The following CCSER1 variants were observed in gnomAD, a reference collection of about 807,000 sequenced individuals.
The protein encoded by CCSER1 is coiled-coil serine rich protein 1, also known as serine-rich coiled-coil domain-containing protein 1.
In CCSER1, 41 loss-of-function variants were observed where a neutral mutation model predicts 82.0. That is an observed-to-expected ratio of 0.50 (90% confidence interval 0.39 to 0.65). CCSER1 has a LOEUF of 0.65. CCSER1 is among the 30% of genes least tolerant of loss of function. The pLI is 0.00. For missense variants in CCSER1, 1,119 were observed against 1,064.2 expected, an observed-to-expected ratio of 1.05 and a Z score of -0.72; for synonymous variants, 414 against 383.9, an observed-to-expected ratio of 1.08 and a Z score of -0.92.
intron 4 of CCSER1, among the ~76,000 whole-genome samples, chr4:90,425,756 T>G (rs905019982): frequency 1.3e-5 from 2 of 152,180 alleles, no homozygotes; most frequent in African/African-American, 4.8e-5. Context: ...AAAATCTGAT[T>G]TTGTTGGCAG....
At chr4:90,892,319 T>G (rs2150117812) in intron 8 of CCSER1, among the ~76,000 whole-genome samples, 1 of 152,096 alleles carries the variant, frequency 6.6e-6, no homozygotes, top group Non-Finnish European at 1.5e-5. Context: ...TATTCCTTTT[T>G]AAAACTTTGA....
intron 6 of CCSER1, among the ~76,000 whole-genome samples, chr4:90,634,106 G>C (rs1579608065): frequency 6.6e-6 from 1 of 151,508 alleles, no homozygotes; most frequent in East Asian, 1.9e-4. Context: ...CTACAGAGGT[G>C]GGTTTTGTTT....
At chr4:90,759,655 G>A (rs1750122380) in intron 7 of CCSER1, among the ~76,000 whole-genome samples, 1 of 152,132 alleles carries the variant, frequency 6.6e-6, no homozygotes, top group Non-Finnish European at 1.5e-5. Flanking sequence ...GTAAGCTAGT[G>A]CAAGGCAACT....
At chr4:90,486,530 A>G (rs929959487) in intron 5 of CCSER1, among the ~76,000 whole-genome samples, 40 of 152,332 alleles carry the variant, frequency 2.6e-4, no homozygotes, top group African/African-American at 8.9e-4. Flanking sequence ...TTTTGGGATC[A>G]GCAATGCACT....
At chr4:91,110,317 T>G (rs970796182) in intron 10 of CCSER1, among the ~76,000 whole-genome samples, 6 of 152,042 alleles carry the variant, frequency 3.9e-5, no homozygotes. Flanking sequence ...AACTTAGTGC[T>G]TGCTCCTTAT....
chr4:91,475,181 GTGTT>G (rs1261483570), intron 10 of CCSER1, among the ~76,000 whole-genome samples: 1 of 150,970 alleles, frequency 6.6e-6, no homozygotes, highest in Non-Finnish European at 1.5e-5. Context: ...TTGTGTGTGT[GTGTT>G]TGTGTGTGTG....
At chr4:91,110,334 G>A (rs1364923505) in intron 10 of CCSER1, among the ~76,000 whole-genome samples, 1 of 151,926 alleles carries the variant, frequency 6.6e-6, no homozygotes, top group African/African-American at 2.4e-5. Flanking sequence ...TTATAGGATT[G>A]TTATGAATAG....
chr4:90,186,898 G>A (rs933823202), intron 1 of CCSER1, among the ~76,000 whole-genome samples: 8 of 151,778 alleles, frequency 5.3e-5, no homozygotes, highest in African/African-American at 1.9e-4. Context: ...CCCTAATAAA[G>A]TGTACAAGTT....
intron 7 of CCSER1, among the ~76,000 whole-genome samples, chr4:90,805,573 C>T (rs1757398650): frequency 6.6e-6 from 1 of 152,132 alleles, no homozygotes; most frequent in Non-Finnish European, 1.5e-5. Context: ...GATGCAAGGA[C>T]AGGAACATTA....
At chr4:91,179,631 A>T (rs969988403) in intron 10 of CCSER1, among the ~76,000 whole-genome samples, 1 of 152,186 alleles carries the variant, frequency 6.6e-6, no homozygotes, top group Non-Finnish European at 1.5e-5. Context: ...GGTAATTCTC[A>T]TGCCATGGCT....
intron 4 of CCSER1, among the ~76,000 whole-genome samples, chr4:90,450,782 C>G (rs1337648258): frequency 6.6e-6 from 1 of 152,082 alleles, no homozygotes; most frequent in Non-Finnish European, 1.5e-5. Flanking sequence ...TGCTAAGTCC[C>G]CTGGGTTGAA....
intron 7 of CCSER1, among the ~76,000 whole-genome samples, chr4:90,815,177 T>TG (rs34232656): frequency 0.54 from 81,080 of 151,432 alleles, 21,932 homozygotes; most frequent in East Asian, 0.65. Flanking sequence ...AGTCAGAGAG[T>TG]CTCAGGGAAA....
At chr4:91,594,332 CACACATATATATACATATATAT>C (rs1290860880) in intron 10 of CCSER1, among the ~76,000 whole-genome samples, 7 of 145,818 alleles carry the variant, frequency 4.8e-5, no homozygotes, top group Admixed American at 1.4e-4. Context: ...CATATATGTA[CACACATATATATACATATATAT>C]ACACATATAT....
In CCSER1 at chr4:90,524,549, A is replaced by C. The variant is rs137992304; in HGVS notation, c.1724+56195A>C. 2.0e-4 allele frequency among the ~76,000 whole-genome samples: 30 copies of C among 152,024 alleles called. No individual in the cohort carries two copies. In the East Asian group the frequency reaches 3.5e-3, roughly 18 times the overall value. ...AGTGGTGTGATCTTGGCTCACTGCA[A>C]CCTCAGCCTCCCAGGTACAAGCGAT... On this transcript the variant is annotated intron_variant, in intron 5 of 10. Coordinates refer to ENST00000509176, the MANE Select transcript of CCSER1 (RefSeq NM_001145065.2).
chr4:90,539,153 A>T (rs1227919938), intron 5 of CCSER1, among the ~76,000 whole-genome samples: 1 of 152,104 alleles, frequency 6.6e-6, no homozygotes, highest in Admixed American at 6.5e-5. Flanking sequence ...AATATTTTAG[A>T]TACTGTTTTG....
chr4:91,600,936 T>C lies in CCSER1; in HGVS notation c.*1879T>C, dbSNP rs999969864. The C allele has an allele frequency of 6.6e-6, 1 of 152,108 alleles. No homozygotes were observed. The highest frequency in any genetic ancestry group is 1.5e-5 in the Non-Finnish European group (1 of 67,996). The allele number at this position is 152,108 out of a possible 1,614,324, so 9.4% of individuals were successfully genotyped here. A position where few individuals can be genotyped will look rare whatever the true frequency, so the allele number is the denominator to read the frequency against. On this transcript the variant is annotated 3_prime_UTR_variant, in exon 11 of 11. Transcript: ENST00000509176. The stretch of plus-strand genomic sequence containing the variant: ...CTATAATGATCATGCAGATATACAC[T>C]TTGGGCTGGGCAATATTTAAGAAAT...
At chr4:91,046,622 G>A (rs1430217710) in intron 9 of CCSER1, among the ~76,000 whole-genome samples, 1 of 152,080 alleles carries the variant, frequency 6.6e-6, no homozygotes, top group African/African-American at 2.4e-5. Flanking sequence ...CTTTCATATT[G>A]TAGTTATGAC....
intron 10 of CCSER1, among the ~76,000 whole-genome samples, chr4:91,570,585 C>T (rs561228759): frequency 1.4e-4 from 22 of 152,340 alleles, no homozygotes; most frequent in African/African-American, 2.9e-4. Flanking sequence ...TCTGAAGCCA[C>T]GACCCAAGCT....
chr4:90,553,132 G>A (rs1777725970), intron 5 of CCSER1, among the ~76,000 whole-genome samples: 1 of 152,128 alleles, frequency 6.6e-6, no homozygotes. Context: ...ACCACGCCTA[G>A]CTAATTTTTT....
Sources: gnomAD v4.1 joint callset for allele counts (sites outside exome capture counted in the v4.1 genomes callset) on GRCh38, gnomAD v4.1.1 for gene constraint, MANE v1.5 for transcripts, NCBI Gene and HGNC (gene_info 2026-07-23, HGNC 2026-07-21) for gene names.